The following CTNND2 variants were observed in gnomAD, a reference collection of about 807,000 sequenced individuals.
The protein encoded by CTNND2 is catenin delta-2.
CTNND2 carries 22 observed loss-of-function variants against 144.4 expected under a neutral mutation model. The observed-to-expected ratio is 0.15, with a 90% CI of 0.11 to 0.22. The LOEUF is 0.22. CTNND2 is among the 10% of genes least tolerant of loss of function. CTNND2 has a pLI of 1.00. For synonymous variants in CTNND2, 751 were observed against 695.6 expected (o/e 1.08, Z -1.25); for missense variants, 1,353 against 1,618.8 (o/e 0.84, Z 2.82).
intron 1 of CTNND2, among the ~76,000 whole-genome samples, chr5:11,792,975 C>A (rs1791215768): frequency 6.6e-6 from 1 of 152,194 alleles, no homozygotes; most frequent in Admixed American, 6.5e-5. Flanking sequence ...TAATACATAT[C>A]ATGATTTCCC....
chr5:11,195,170 T>A (rs1736730199), intron 11 of CTNND2, among the ~76,000 whole-genome samples: 1 of 152,148 alleles, frequency 6.6e-6, no homozygotes, highest in Non-Finnish European at 1.5e-5. Flanking sequence ...TCAACGATTT[T>A]TTTAAAGGCA....
chr5:11,407,995 A>G (rs1031958616), intron 5 of CTNND2, among the ~76,000 whole-genome samples: 2 of 152,108 alleles, frequency 1.3e-5, no homozygotes, highest in African/African-American at 4.8e-5. Context: ...AATGGGAGGC[A>G]GGAGAAGGAG....
intron 12 of CTNND2, among the ~76,000 whole-genome samples, chr5:11,147,261 C>T (rs1182790321): frequency 6.6e-6 from 1 of 152,044 alleles, no homozygotes; most frequent in Non-Finnish European, 1.5e-5. Context: ...ATCAAAAGCC[C>T]AGAATGCTTT....
At chr5:11,122,262 A>G (rs1452155251) in intron 12 of CTNND2, among the ~76,000 whole-genome samples, 1 of 151,518 alleles carries the variant, frequency 6.6e-6, no homozygotes, top group African/African-American at 2.4e-5. Flanking sequence ...AAAAAAAAAT[A>G]GAAGATGCAA....
chr5:11,011,851 C>T (rs892129296), intron 18 of CTNND2, among the ~76,000 whole-genome samples: 3 of 152,034 alleles, frequency 2.0e-5, no homozygotes, highest in Admixed American at 6.5e-5. Flanking sequence ...ATAGGAATAT[C>T]GCTAGCAGGC....
At chr5:11,647,857 T>C (rs1214657141) in intron 2 of CTNND2, among the ~76,000 whole-genome samples, 1 of 152,096 alleles carries the variant, frequency 6.6e-6, no homozygotes, top group Non-Finnish European at 1.5e-5. Context: ...TGCATCTAAT[T>C]GTGTATTTGC....
At chr5:11,742,327 C>T (rs946014205) in intron 1 of CTNND2, among the ~76,000 whole-genome samples, 2 of 152,018 alleles carry the variant, frequency 1.3e-5, no homozygotes, top group East Asian at 1.9e-4. Flanking sequence ...TATAACTCTT[C>T]TCTCACTTTC....
At chr5:11,261,068 T>C (rs1232995912) in intron 9 of CTNND2, among the ~76,000 whole-genome samples, 1 of 152,130 alleles carries the variant, frequency 6.6e-6, no homozygotes, top group Non-Finnish European at 1.5e-5. Flanking sequence ...ATTTTCAAGA[T>C]GATACCCAGC....
intron 1 of CTNND2, among the ~76,000 whole-genome samples, chr5:11,804,609 C>T (rs1183149934): frequency 2.6e-5 from 4 of 151,926 alleles, no homozygotes; most frequent in Admixed American, 2.6e-4. Flanking sequence ...GGGTACATAC[C>T]GAATGATTCC....
At chr5:11,637,793 A>G (rs898605984) in intron 2 of CTNND2, among the ~76,000 whole-genome samples, 6 of 152,074 alleles carry the variant, frequency 3.9e-5, no homozygotes, top group Non-Finnish European at 5.9e-5. Flanking sequence ...GATTTCTACT[A>G]CCTCCACTCA....
intron 3 of CTNND2, among the ~76,000 whole-genome samples, chr5:11,473,723 A>G (rs1400349870): frequency 6.6e-6 from 1 of 152,358 alleles, no homozygotes; most frequent in Admixed American, 6.5e-5. Context: ...AAACAGACCA[A>G]TGGGTGAGCC....
At chr5:11,400,021 T>G (rs901779190) in intron 5 of CTNND2, among the ~76,000 whole-genome samples, 4 of 152,222 alleles carry the variant, frequency 2.6e-5, no homozygotes, top group African/African-American at 9.6e-5. Flanking sequence ...GTAACTAACT[T>G]TCAATTAGCT....
chr5:11,365,064 C>G (rs891390565), intron 7 of CTNND2, among the ~76,000 whole-genome samples, 174 bp from the exon 8 acceptor site: 26 of 152,340 alleles, frequency 1.7e-4, no homozygotes, highest in Admixed American at 1.7e-3. Context: ...CGGCATCACC[C>G]AGCTGCCTGG....
intron 3 of CTNND2, among the ~76,000 whole-genome samples, chr5:11,456,722 T>A (rs746538196): frequency 2.6e-5 from 4 of 152,206 alleles, no homozygotes; most frequent in Admixed American, 6.5e-5. Context: ...GATTTAAAAA[T>A]TATTAAAAGA....
At chr5:11,313,074 C>G (rs547813201) in intron 9 of CTNND2, among the ~76,000 whole-genome samples, 1 of 152,302 alleles carries the variant, frequency 6.6e-6, no homozygotes, top group African/African-American at 2.4e-5. Context: ...TCTCTCTAAA[C>G]TCCTGTTTGT....
chr5:11,428,533 CA>C (rs1404750648), intron 3 of CTNND2, among the ~76,000 whole-genome samples: 2 of 152,166 alleles, frequency 1.3e-5, no homozygotes, highest in African/African-American at 4.8e-5. Flanking sequence ...TGTTTTTCAG[CA>C]TTTGTCTTTC....
intron 3 of CTNND2, among the ~76,000 whole-genome samples, chr5:11,543,195 G>A (rs894642542): frequency 6.6e-5 from 10 of 152,178 alleles, no homozygotes; most frequent in African/African-American, 2.4e-4. Flanking sequence ...CATGTTCTAT[G>A]TAGATGAAAT....
chr5:11,655,305 T>C (rs924061129), intron 2 of CTNND2, among the ~76,000 whole-genome samples: 10 of 151,974 alleles, frequency 6.6e-5, no homozygotes, highest in South Asian at 2.1e-4. Context: ...TAAGGAAACA[T>C]TGGGGATTAA....
intron 1 of CTNND2, among the ~76,000 whole-genome samples, chr5:11,814,305 G>C (rs929504207): frequency 6.6e-6 from 1 of 152,138 alleles, no homozygotes; most frequent in Admixed American, 6.5e-5. Flanking sequence ...TAAAACTGAA[G>C]GCGTCTTGAC....
Sources: gnomAD v4.1 joint callset for allele counts (sites outside exome capture counted in the v4.1 genomes callset) on GRCh38, gnomAD v4.1.1 for gene constraint, MANE v1.5 for transcripts, NCBI Gene and HGNC (gene_info 2026-07-23, HGNC 2026-07-21) for gene names.